MBD5: variants seen among roughly 807,000 people sequenced by gnomAD.
MBD5 encodes methyl-CpG binding domain protein 5, also known as methyl-CpG-binding domain protein 5.
MBD5 carries 13 observed loss-of-function variants against 117.3 expected under a neutral mutation model. That is an observed-to-expected ratio of 0.11 (90% CI 0.07 to 0.18). The LOEUF is 0.18. MBD5 is among the 10% of genes least tolerant of loss of function. The pLI, the probability that MBD5 is intolerant of heterozygous loss-of-function variation, is 1.00. For synonymous variants in MBD5, 727 were observed against 766.4 expected (o/e 0.95, Z 0.85); for missense variants, 1,879 against 2,093.8 (o/e 0.90, Z 2.00).
chr2:148,287,038 G>T (rs1203629650), intron 3 of MBD5, among the ~76,000 whole-genome samples: 10 of 151,980 alleles, frequency 6.6e-5, no homozygotes, highest in Admixed American at 6.6e-4. Context: ...TTTTAAAGAG[G>T]TTCTTTTTTT....
intron 2 of MBD5, among the ~76,000 whole-genome samples, chr2:148,217,233 T>A (rs1699580240): frequency 6.6e-6 from 1 of 152,060 alleles, no homozygotes; most frequent in African/African-American, 2.4e-5. Flanking sequence ...CAGATGAGGA[T>A]CTATCAGCAA....
Position 148,149,911 on chromosome 2 carries a change from G to T in MBD5, c.-924-28789G>T, listed in dbSNP as rs1390095339. Among the ~76,000 whole-genome samples, 94 of 143,184 alleles carry T rather than the reference G, an allele frequency of 6.6e-4. 1 individual carries two copies. The South Asian group carries it at 0.01, about 15-fold the overall frequency. The allele number at this position is 143,184 out of a possible 152,430, so 93.9% of individuals were successfully genotyped here. On this transcript the variant is annotated intron_variant, in intron 1 of 13. Transcript: ENST00000642680. Reference sequence around the variant, plus strand: ...AGGTTGCCTGTTCACTCTGATGGTAGTTTCTTTTGCTGTGCAGAAGCTCTT... The same window carrying T: ...AGGTTGCCTGTTCACTCTGATGGTATTTTCTTTTGCTGTGCAGAAGCTCTT...
chr2:148,148,491 A>G (rs906535553), intron 1 of MBD5, among the ~76,000 whole-genome samples: 1 of 152,244 alleles, frequency 6.6e-6, no homozygotes, highest in African/African-American at 2.4e-5. Flanking sequence ...TTTAATTTCC[A>G]GAGTTCTGAA....
chr2:148,269,788 C>G (rs1450921388), intron 3 of MBD5, among the ~76,000 whole-genome samples: 1 of 148,464 alleles, frequency 6.7e-6, no homozygotes, highest in Non-Finnish European at 1.5e-5. Context: ...ATTTTTTCCT[C>G]TATATTTCCC....
At chr2:148,381,917 T>C (rs1385041261) in intron 4 of MBD5, among the ~76,000 whole-genome samples, 2 of 152,110 alleles carry the variant, frequency 1.3e-5, no homozygotes, top group African/African-American at 4.8e-5. Flanking sequence ...CTGAGAGATT[T>C]TGTCACCACC....
chr2:148,482,703 G>GA (rs1164501224), intron 8 of MBD5, among the ~76,000 whole-genome samples: 2 of 151,898 alleles, frequency 1.3e-5, no homozygotes. Context: ...CTTTTTTAAT[G>GA]AAAAAAATTT....
At chr2:148,239,077 G>A (rs1419744337) in intron 3 of MBD5, among the ~76,000 whole-genome samples, 2 of 150,542 alleles carry the variant, frequency 1.3e-5, no homozygotes, top group Non-Finnish European at 3.0e-5. Context: ...TATATGTGTG[G>A]GTGTCTGTAT....
chr2:148,260,001 A>C (rs547108336), intron 3 of MBD5, among the ~76,000 whole-genome samples: 35 of 152,336 alleles, frequency 2.3e-4, no homozygotes, highest in Middle Eastern at 3.4e-3. Context: ...GTTTAGCCTC[A>C]ATGTCGACAT....
At chr2:148,201,794 G>A (rs73964458) in intron 2 of MBD5, among the ~76,000 whole-genome samples, 1,755 of 152,204 alleles carry the variant, frequency 0.012, 42 homozygotes, top group African/African-American at 0.04. Flanking sequence ...TGGATCTGAG[G>A]CTTTTATGGG....
At chr2:148,036,035 C>G (rs1694186863) in intron 1 of MBD5, among the ~76,000 whole-genome samples, 1 of 152,058 alleles carries the variant, frequency 6.6e-6, no homozygotes, top group South Asian at 2.1e-4. Context: ...TACAATAAAA[C>G]AAATTCTATT....
At chr2:148,267,659 A>G (rs958737195) in intron 3 of MBD5, among the ~76,000 whole-genome samples, 7 of 152,156 alleles carry the variant, frequency 4.6e-5, no homozygotes, top group Non-Finnish European at 8.8e-5. Flanking sequence ...TTTTTACTAA[A>G]TATATGTTAT....
intron 2 of MBD5, among the ~76,000 whole-genome samples, chr2:148,182,557 C>G (rs748316165): frequency 2.6e-5 from 4 of 152,156 alleles, no homozygotes; most frequent in Non-Finnish European, 5.9e-5. Context: ...ATGAGATGTG[C>G]ATGTTTGCTC....
At chr2:148,319,149 C>A (rs1702225427) in intron 3 of MBD5, among the ~76,000 whole-genome samples, 1 of 152,182 alleles carries the variant, frequency 6.6e-6, no homozygotes, top group South Asian at 2.1e-4. Flanking sequence ...ATTTTGGTTA[C>A]TATAGCCTTG....
At chr2:148,397,300 G>A (rs539513680) in intron 4 of MBD5, among the ~76,000 whole-genome samples, 1 of 150,362 alleles carries the variant, frequency 6.7e-6, no homozygotes, top group Admixed American at 6.6e-5. Context: ...GCATCTTGTG[G>A]CCCAAATGTT....
chr2:148,073,526 T>G (rs1695415523), intron 1 of MBD5, among the ~76,000 whole-genome samples: 1 of 152,210 alleles, frequency 6.6e-6, no homozygotes, highest in South Asian at 2.1e-4. Flanking sequence ...TAGGGGATTA[T>G]TTAACTATAT....
intron 2 of MBD5, among the ~76,000 whole-genome samples, chr2:148,189,068 C>T (rs1463320527): frequency 3.5e-5 from 5 of 142,120 alleles, no homozygotes; most frequent in Admixed American, 2.1e-4. Flanking sequence ...AAACGGCGCA[C>T]CACGAGACTA....
rs542900273 is a variant in MBD5 at position 148,290,072 on chromosome 2, C to T, written c.-679-52142C>T. Among the ~76,000 whole-genome samples the T allele has an allele frequency of 8.0e-5, 12 of 150,284 alleles. No homozygotes were observed. In the South Asian group the frequency reaches 2.6e-3, roughly 32 times the overall value. On this transcript the variant is annotated intron_variant, in intron 3 of 13. Coordinates refer to ENST00000642680, the MANE Select transcript of MBD5 (RefSeq NM_001378120.1). The stretch of plus-strand genomic sequence containing the variant: ...CTGAACTCAAGCAATTATCCTGCCT[C>T]AGCCTCCCAAGTAGCTGGGATTACA...
intron 4 of MBD5, among the ~76,000 whole-genome samples, chr2:148,410,546 C>T (rs1705219082): frequency 6.6e-6 from 1 of 152,202 alleles, no homozygotes; most frequent in South Asian, 2.1e-4. Flanking sequence ...CCTCCTGCCT[C>T]AGTCCCACTG....
intron 3 of MBD5, among the ~76,000 whole-genome samples, chr2:148,241,164 T>G (rs942212250): frequency 6.6e-6 from 1 of 152,176 alleles, no homozygotes; most frequent in Non-Finnish European, 1.5e-5. Context: ...GTAGAGACTC[T>G]AGATTCTGTT....
Sources: allele counts gnomAD v4.1 joint callset (sites outside exome capture counted in the v4.1 genomes callset), GRCh38; gene constraint gnomAD v4.1.1; transcripts MANE v1.5; gene names NCBI Gene and HGNC (gene_info 2026-07-23, HGNC 2026-07-21).